GRAP2: variants seen among roughly 807,000 people sequenced by gnomAD.
The protein encoded by GRAP2 is GRB2 related adaptor protein 2.
GRAP2 carries 31 observed loss-of-function variants against 43.5 expected under a neutral mutation model. That is an observed-to-expected ratio of 0.71 (90% CI 0.54 to 0.96). The LOEUF is 0.96. Among genes scored for constraint, GRAP2 ranks in the 40% least tolerant of loss-of-function variants. The pLI, the probability that GRAP2 is intolerant of heterozygous loss-of-function variation, is 0.00. For synonymous variants in GRAP2, 156 were observed against 164.8 expected, an observed-to-expected ratio of 0.95 and a Z score of 0.41; for missense variants, 371 against 424.4, an observed-to-expected ratio of 0.87 and a Z score of 1.11.
the GRAP2 span, chr22:39,893,828 T>G: frequency 6.6e-6 from 1 of 152,328 alleles, no homozygotes; most frequent in African/African-American, 2.4e-5. Context: ...GTGCAGTTCC[T>G]GTCAGGGCGT....
chr22:39,965,534 A>G (rs1489952336), intron 4 of GRAP2, among the ~76,000 whole-genome samples: 9 of 152,258 alleles, frequency 5.9e-5, no homozygotes, highest in Non-Finnish European at 7.3e-5. Context: ...CTTAGGAAAG[A>G]GAGTAGCTTC....
chr22:39,902,327 G>A (rs1218552387), intron 1 of GRAP2, among the ~76,000 whole-genome samples: 1 of 152,112 alleles, frequency 6.6e-6, no homozygotes, highest in Non-Finnish European at 1.5e-5. Context: ...TTTGGTTTCG[G>A]AAAGAGTATT....
intron 1 of GRAP2, among the ~76,000 whole-genome samples, chr22:39,942,168 A>G (rs944021238): frequency 7.9e-5 from 12 of 152,208 alleles, no homozygotes; most frequent in African/African-American, 2.9e-4. Context: ...CTTTTCAAGA[A>G]TATACCTATT....
At chr22:39,950,319 G>A (rs1258481327) in intron 2 of GRAP2, among the ~76,000 whole-genome samples, 1 of 152,212 alleles carries the variant, frequency 6.6e-6, no homozygotes, top group Non-Finnish European at 1.5e-5. Flanking sequence ...TCACATGGCA[G>A]CTATTTATAG....
chr22:39,918,138 T>A (rs1474252665), intron 1 of GRAP2, among the ~76,000 whole-genome samples: 5 of 152,220 alleles, frequency 3.3e-5, no homozygotes, highest in African/African-American at 1.2e-4. Context: ...AGAGGTACTA[T>A]AACTCACGGG....
chr22:39,924,337 G>A (rs2066679181), intron 1 of GRAP2, among the ~76,000 whole-genome samples: 1 of 152,140 alleles, frequency 6.6e-6, no homozygotes, highest in South Asian at 2.1e-4. Context: ...AAGAACTTCG[G>A]GCAGTAGCAC....
At chr22:39,929,330 A>G (rs1001505388) in intron 1 of GRAP2, among the ~76,000 whole-genome samples, 1 of 152,186 alleles carries the variant, frequency 6.6e-6, no homozygotes, top group South Asian at 2.1e-4. Flanking sequence ...AGGAGTGTTC[A>G]TCTTGGCTTA....
intron 1 of GRAP2, among the ~76,000 whole-genome samples, chr22:39,938,426 G>T (rs1363184335): frequency 6.6e-6 from 1 of 152,214 alleles, no homozygotes; most frequent in Non-Finnish European, 1.5e-5. Flanking sequence ...CCTTCTGACG[G>T]GGGAGATTGT....
chr22:39,959,327 C>T (rs180696679), intron 3 of GRAP2, among the ~76,000 whole-genome samples: 15 of 152,352 alleles, frequency 9.8e-5, no homozygotes, highest in African/African-American at 3.4e-4. Flanking sequence ...GTAATTTCTC[C>T]TGTTTCTTCT....
At chr22:39,926,608 T>C (rs2066702087) in intron 1 of GRAP2, 1 of 985,352 alleles carries the variant, frequency 1.0e-6, no homozygotes, top group African/African-American at 1.7e-5. Flanking sequence ...ATAAAAGCAT[T>C]CTATGCTGGA....
chr22:39,925,698 G>GA (rs1417363921), intron 1 of GRAP2, among the ~76,000 whole-genome samples: 2 of 152,190 alleles, frequency 1.3e-5, no homozygotes, highest in African/African-American at 4.8e-5. Context: ...AAGCATTTTG[G>GA]ACGAATGAAG....
At chr22:39,933,022 G>C (rs974784845) in intron 1 of GRAP2, among the ~76,000 whole-genome samples, 1 of 152,230 alleles carries the variant, frequency 6.6e-6, no homozygotes, top group Non-Finnish European at 1.5e-5. Context: ...CTGAGCAAGG[G>C]GTAGATAACT....
intron 2 of GRAP2, among the ~76,000 whole-genome samples, chr22:39,953,596 A>C (rs2067013614): frequency 6.6e-6 from 1 of 152,060 alleles, no homozygotes; most frequent in Admixed American, 6.5e-5. Flanking sequence ...TCTGATACAG[A>C]GCTCTGTCGC....
chr22:39,903,154 A>C (rs713925), intron 1 of GRAP2, among the ~76,000 whole-genome samples: 72,441 of 152,152 alleles, frequency 0.48, 18,751 homozygotes, highest in East Asian at 0.68. Context: ...AGTAAGTGTG[A>C]TTCCATCACG....
At chr22:39,966,255 T>TGAAAGACATATA (rs1317903584) in intron 5 of GRAP2, 97 bp downstream of exon 5, 60 of 887,468 alleles carry the variant, frequency 6.8e-5, no homozygotes, top group South Asian at 5.8e-4. Flanking sequence ...GGGTAGATCC[T>TGAAAGACATATA]CTGAGTATAC....
At chr22:39,946,952 G>T (rs2066928595) in intron 1 of GRAP2, 141 bp from the exon 2 acceptor site, 1 of 636,310 alleles carries the variant, frequency 1.6e-6, no homozygotes, top group Non-Finnish European at 2.9e-6. Context: ...AGCCCTTGTT[G>T]TGTGCCTGAG....
chr22:39,949,595 C>T (rs758403566), intron 2 of GRAP2, among the ~76,000 whole-genome samples: 1 of 152,172 alleles, frequency 6.6e-6, no homozygotes, highest in Non-Finnish European at 1.5e-5. Context: ...GGAGCATAGA[C>T]TTTGAGTCAG....
intron 1 of GRAP2, among the ~76,000 whole-genome samples, chr22:39,928,698 G>A (rs1173330978): frequency 1.3e-5 from 2 of 152,170 alleles, no homozygotes; most frequent in African/African-American, 2.4e-5. Context: ...GAGATAGTGC[G>A]ATGTCATAAA....
chr22:39,968,645 A>G (rs927844195), intron 6 of GRAP2: 2 of 270,734 alleles, frequency 7.4e-6, no homozygotes, highest in Non-Finnish European at 1.4e-5. Flanking sequence ...TAATACCCAC[A>G]ACAGAGCCTT....
Sources: gnomAD v4.1 joint callset for allele counts (sites outside exome capture counted in the v4.1 genomes callset) on GRCh38, gnomAD v4.1.1 for gene constraint, MANE v1.5 for transcripts, NCBI Gene and HGNC (gene_info 2026-07-23, HGNC 2026-07-21) for gene names.